The following TLE4 variants were observed in gnomAD, a reference collection of about 807,000 sequenced individuals.
The protein encoded by TLE4 is TLE family member 4, transcriptional corepressor, also known as transducin-like enhancer protein 4.
TLE4 carries 8 observed loss-of-function variants against 92.8 expected under a neutral mutation model. The ratio of observed to expected loss-of-function variants is 0.09; its 90% confidence interval spans 0.05 to 0.16. The LOEUF (loss-of-function observed/expected upper bound fraction) is 0.16, where lower values mean the gene tolerates loss of function less well. Among genes scored for constraint, TLE4 ranks in the 10% least tolerant of loss-of-function variants. The pLI is 1.00. For missense variants in TLE4, 675 were observed against 997.6 expected, an observed-to-expected ratio of 0.68 and a Z score of 4.36; for synonymous variants, 371 against 374.1, an observed-to-expected ratio of 0.99 and a Z score of 0.10.
intron 4 of TLE4, among the ~76,000 whole-genome samples, chr9:79,602,784 T>C (rs1293975242): frequency 6.6e-6 from 1 of 152,160 alleles, no homozygotes; most frequent in Non-Finnish European, 1.5e-5. Flanking sequence ...AAGAAATACA[T>C]TTTGTAAGGC....
chr9:79,598,476 C>CT (rs1431778423), intron 4 of TLE4, among the ~76,000 whole-genome samples: 1 of 152,142 alleles, frequency 6.6e-6, no homozygotes, highest in Non-Finnish European at 1.5e-5. Flanking sequence ...TTCTCTGCCC[C>CT]TTTCTCCTTT....
rs71364420 is a variant in TLE4 at position 79,606,187 on chromosome 9, G to GTTTTTTTTTTTTT, written c.253-6443_253-6431dup. 4.1e-3 allele frequency among the ~76,000 whole-genome samples: 117 copies of GTTTTTTTTTTTTT among 28,712 alleles called. 44 individuals carry two copies. Among genetic ancestry groups the GTTTTTTTTTTTTT allele is most frequent in the Non-Finnish European group, 5.6e-3 (87 of 15,502 alleles). 18.8% of individuals were successfully genotyped at this position (28,712 alleles called of 152,430 possible). A position where few individuals can be genotyped will look rare whatever the true frequency, so the allele number is the denominator to read the frequency against. On this transcript the variant is annotated intron_variant, in intron 4 of 19. Transcript: ENST00000376552. ...ATTGCTTTATTAAGCAGTAGTAGTT[G>GTTTTTTTTTTTTT]TTTTTTTTTTTTTTTTTTTTTTTTT...
chr9:79,680,481 C>G (rs1323153131), intron 8 of TLE4, among the ~76,000 whole-genome samples: 1 of 152,018 alleles, frequency 6.6e-6, no homozygotes, highest in African/African-American at 2.4e-5. Flanking sequence ...GATTTTGTAT[C>G]CTGAGACTTT....
At chr9:79,692,575 G>T (rs565430027) in intron 8 of TLE4, among the ~76,000 whole-genome samples, 1 of 152,154 alleles carries the variant, frequency 6.6e-6, no homozygotes, top group South Asian at 2.1e-4. Context: ...GTTTGTTCGG[G>T]GTGCTATGAT....
chr9:79,586,154 T>C (rs955605759), intron 4 of TLE4, among the ~76,000 whole-genome samples: 18 of 151,540 alleles, frequency 1.2e-4, no homozygotes, highest in Admixed American at 6.6e-5. Flanking sequence ...GGGTGGATCA[T>C]GAGGTCAGGA....
At chr9:79,721,247 GC>G (rs1168221789) in intron 16 of TLE4, among the ~76,000 whole-genome samples, 1 of 152,144 alleles carries the variant, frequency 6.6e-6, no homozygotes, top group Non-Finnish European at 1.5e-5. Flanking sequence ...CTTTCCAGGT[GC>G]CTTACTTGAG....
At chr9:79,630,956 A>C (rs1564507745) in intron 6 of TLE4, among the ~76,000 whole-genome samples, 1 of 152,018 alleles carries the variant, frequency 6.6e-6, no homozygotes, top group African/African-American at 2.4e-5. Flanking sequence ...CCCCTAACCC[A>C]CTTTTTAAAC....
At chr9:79,681,835 TG>T (rs2064722286) in intron 8 of TLE4, among the ~76,000 whole-genome samples, 1 of 67,046 alleles carries the variant, frequency 1.5e-5, no homozygotes, top group African/African-American at 1.5e-4. Context: ...TGTGTGCATG[TG>T]TGTGTGTGTG....
At chr9:79,657,373 C>G (rs1176551143) in intron 8 of TLE4, among the ~76,000 whole-genome samples, 4 of 152,176 alleles carry the variant, frequency 2.6e-5, no homozygotes, top group Non-Finnish European at 5.9e-5. Flanking sequence ...GTATCAAGAA[C>G]CATTTCTCTC....
At chr9:79,585,283 G>A (rs2040772295) in intron 4 of TLE4, among the ~76,000 whole-genome samples, 2 of 152,044 alleles carry the variant, frequency 1.3e-5, no homozygotes, top group Non-Finnish European at 2.9e-5. Flanking sequence ...ACGTATGTTG[G>A]GGCTGAGACA....
chr9:79,701,019 TAATAA>T (rs140527715), intron 8 of TLE4, among the ~76,000 whole-genome samples: 2,353 of 152,260 alleles, frequency 0.015, 16 homozygotes, highest in Non-Finnish European at 0.023. Context: ...AAATAAAAAA[TAATAA>T]AATAAAAAGC....
At chr9:79,638,657 G>A (rs2056504911) in intron 6 of TLE4, among the ~76,000 whole-genome samples, 1 of 152,128 alleles carries the variant, frequency 6.6e-6, no homozygotes, top group East Asian at 1.9e-4. Flanking sequence ...CAAAGTGGCA[G>A]TAATGTTGCT....
At position 79,721,817 on chromosome 9, in the gene TLE4, T is replaced by C; in HGVS notation, c.1915T>C (p.Leu639=). The stretch of plus-strand genomic sequence containing the variant: ...TGGCACCAAGCTCTGGACAGGTGGT[T>C]TGGACAACACGGTCAGGTCCTGGGA... ...NDGTKLWTGG[L]DNTVRSWDLR... is the part of the protein sequence containing the mutation. The change falls in exon 17 of 20, where the codon TTG becomes CTG. Residue 639 remains leucine (L), a synonymous_variant. Coordinates refer to ENST00000376552, the MANE Select transcript of TLE4 (RefSeq NM_007005.6). 8 of 1,614,128 alleles carry C rather than the reference T, an allele frequency of 5.0e-6. No homozygotes were observed. The highest frequency in any genetic ancestry group is 6.8e-6 in the Non-Finnish European group (8 of 1,180,016).
intron 3 of TLE4, 50 bp downstream of exon 3, chr9:79,574,986 A>G (rs1392564483): frequency 6.7e-7 from 1 of 1,496,738 alleles, no homozygotes; most frequent in East Asian, 2.3e-5. Flanking sequence ...TTGGAATACC[A>G]AAAACAAGAA....
chr9:79,724,085 T>C (rs2076062802), intron 19 of TLE4, among the ~76,000 whole-genome samples: 2 of 152,226 alleles, frequency 1.3e-5, no homozygotes, highest in Admixed American at 1.3e-4. Flanking sequence ...TGTTTTTAAC[T>C]GTTGAACCTC....
intron 6 of TLE4, among the ~76,000 whole-genome samples, chr9:79,631,501 C>CT (rs2054186614): frequency 6.6e-6 from 1 of 152,026 alleles, no homozygotes. Flanking sequence ...ATTTAAATGA[C>CT]TTTGCCTTTA....
chr9:79,718,995 A>G, intron 15 of TLE4, 24 bp downstream of exon 15: 1 of 1,588,720 alleles, frequency 6.3e-7, no homozygotes, highest in East Asian at 2.2e-5. Flanking sequence ...GATGAACAAG[A>G]CTTAGACTTT....
chr9:79,613,246 G>C (rs1348618426), intron 5 of TLE4, among the ~76,000 whole-genome samples: 1 of 152,042 alleles, frequency 6.6e-6, no homozygotes, highest in African/African-American at 2.4e-5. Flanking sequence ...TGAACTCATT[G>C]AACTCGTTTC....
chr9:79,722,444 A>C lies in TLE4; in HGVS notation c.1987-7A>C. On this transcript the variant is annotated splice_polypyrimidine_tract_variant and splice_region_variant and intron_variant, in intron 17 of 19. Transcript: ENST00000376552. ...GCCACTGTCACCATCACCTGTTTTA[A>C]TTCTAGATCTTTTCTCTGGGCTACT... is the stretch of plus-strand genomic sequence containing the variant. 2 of 1,614,004 alleles carry C rather than the reference A, an allele frequency of 1.2e-6. No homozygotes were observed. Among genetic ancestry groups the C allele is most frequent in the South Asian group, 2.2e-5 (2 of 91,046 alleles).
Sources: gnomAD v4.1 joint callset for allele counts (sites outside exome capture counted in the v4.1 genomes callset) on GRCh38, gnomAD v4.1.1 for gene constraint, MANE v1.5 for transcripts, NCBI Gene and HGNC (gene_info 2026-07-23, HGNC 2026-07-21) for gene names.